CDKAL1: variants seen among roughly 807,000 people sequenced by gnomAD.
CDKAL1 encodes CDKAL1 threonylcarbamoyladenosine tRNA methylthiotransferase, also known as threonylcarbamoyladenosine tRNA methylthiotransferase.
In CDKAL1, 32 loss-of-function variants were observed where a neutral mutation model predicts 68.2. The observed-to-expected ratio is 0.47, with a 90% CI of 0.35 to 0.63. The LOEUF (loss-of-function observed/expected upper bound fraction) is 0.63, where lower values mean the gene tolerates loss of function less well. CDKAL1 is among the 30% of genes least tolerant of loss of function. The pLI, the probability that CDKAL1 is intolerant of heterozygous loss-of-function variation, is 0.00. For missense variants in CDKAL1, 606 were observed against 696.7 expected, an observed-to-expected ratio of 0.87 and a Z score of 1.47; for synonymous variants, 234 against 244.3, an observed-to-expected ratio of 0.96 and a Z score of 0.39.
At chr6:20,545,742 A>G (rs1368110709) in intron 2 of CDKAL1, among the ~76,000 whole-genome samples, 1 of 152,216 alleles carries the variant, frequency 6.6e-6, no homozygotes, top group Non-Finnish European at 1.5e-5. Context: ...GATTACAGGC[A>G]TAAGCCACTG....
In CDKAL1 at chr6:20,613,167, C is replaced by T. The variant is rs1581821660; in HGVS notation, c.287-36126C>T. On this transcript the variant is annotated intron_variant, in intron 4 of 15. Coordinates refer to ENST00000274695, the MANE Select transcript of CDKAL1 (RefSeq NM_017774.3). The stretch of plus-strand genomic sequence containing the variant: ...TATAATACACATGATTTTCATTTAA[C>T]TATTTAGGTTGTTGCAGAAGTAATT... Among the ~76,000 whole-genome samples, 3 of 146,522 alleles carry T rather than the reference C, an allele frequency of 2.0e-5. 1 individual carries two copies. In the East Asian group the frequency reaches 6.0e-4, roughly 29 times the overall value.
At chr6:21,069,331 C>T (rs1313174894) in intron 12 of CDKAL1, among the ~76,000 whole-genome samples, 3 of 152,056 alleles carry the variant, frequency 2.0e-5, no homozygotes, top group Non-Finnish European at 4.4e-5. Flanking sequence ...CTATTTTTCC[C>T]TGTGTCTGTG....
intron 10 of CDKAL1, 92 bp from the exon 11 acceptor site, chr6:21,000,134 TG>T: frequency 1.1e-6 from 1 of 891,524 alleles, no homozygotes; most frequent in South Asian, 1.8e-5. Flanking sequence ...TCAGCTAGTA[TG>T]TTTATTTGCT....
chr6:20,614,551 G>A (rs1464070169), intron 4 of CDKAL1, among the ~76,000 whole-genome samples: 1 of 152,060 alleles, frequency 6.6e-6, no homozygotes, highest in Non-Finnish European at 1.5e-5. Flanking sequence ...TAAGAGTTAT[G>A]TTTGTTCAGT....
At chr6:20,686,865 C>T (rs1324686287) in intron 5 of CDKAL1, among the ~76,000 whole-genome samples, 1 of 152,102 alleles carries the variant, frequency 6.6e-6, no homozygotes, top group African/African-American at 2.4e-5. Flanking sequence ...CTCTATATCT[C>T]GTTCACTGAG....
chr6:20,795,905 A>T (rs1005553456), intron 8 of CDKAL1, among the ~76,000 whole-genome samples: 1 of 152,206 alleles, frequency 6.6e-6, no homozygotes, highest in Non-Finnish European at 1.5e-5. Flanking sequence ...TGGAACTAGT[A>T]GATGCAACAT....
intron 5 of CDKAL1, among the ~76,000 whole-genome samples, chr6:20,714,482 A>G (rs1195464590): frequency 7.2e-6 from 1 of 138,570 alleles, no homozygotes; most frequent in African/African-American, 2.7e-5. Context: ...TTGATTTCCC[A>G]GGCTCAAGTG....
intron 12 of CDKAL1, among the ~76,000 whole-genome samples, chr6:21,069,832 G>A (rs1771670721): frequency 8.5e-6 from 1 of 117,764 alleles, no homozygotes; most frequent in Admixed American, 1.3e-4. Flanking sequence ...TGTCACCCAG[G>A]CTGGAGTGCT....
chr6:21,068,490 C>T (rs1771581169), intron 12 of CDKAL1, among the ~76,000 whole-genome samples: 1 of 152,066 alleles, frequency 6.6e-6, no homozygotes, highest in African/African-American at 2.4e-5. Flanking sequence ...TTGAAAATAT[C>T]ATTCTTGTCT....
At chr6:20,617,295 T>G (rs1766962545) in intron 4 of CDKAL1, among the ~76,000 whole-genome samples, 1 of 152,186 alleles carries the variant, frequency 6.6e-6, no homozygotes, top group Non-Finnish European at 1.5e-5. Context: ...AGGGGGCCAC[T>G]TAATGAGCAG....
chr6:20,609,113 G>GA (rs1766460366), intron 4 of CDKAL1, among the ~76,000 whole-genome samples: 1 of 152,168 alleles, frequency 6.6e-6, no homozygotes, highest in East Asian at 1.9e-4. Flanking sequence ...ACTGGCCTTG[G>GA]AGGGACATTG....
chr6:21,065,414 A>G (rs1407354385), intron 12 of CDKAL1, among the ~76,000 whole-genome samples, 186 bp downstream of exon 12: 2 of 152,184 alleles, frequency 1.3e-5, no homozygotes, highest in African/African-American at 4.8e-5. Context: ...CAACTAAAAT[A>G]TAATCACCTT....
intron 6 of CDKAL1, among the ~76,000 whole-genome samples, chr6:20,746,225 G>C (rs928118753): frequency 6.6e-6 from 1 of 152,116 alleles, no homozygotes; most frequent in African/African-American, 2.4e-5. Context: ...CTCAGTATTA[G>C]TCACTCACTG....
At position 20,698,658 on chromosome 6, in the gene CDKAL1, G is replaced by A. The variant is rs899800612; in HGVS notation, c.372-40861G>A. On this transcript the variant is annotated intron_variant, in intron 5 of 15. Transcript: ENST00000274695. ...TTTGGGGGAAGGCCACGGTGGTGAA[G>A]TGCCATTCTCATCACAGCATATCAG... is the stretch of plus-strand genomic sequence containing the variant. Among the ~76,000 whole-genome samples, 3 of 152,138 alleles carry A rather than the reference G, an allele frequency of 2.0e-5. No homozygotes were observed. In the South Asian group the frequency reaches 6.2e-4, roughly 32 times the overall value.
chr6:20,810,820 T>C (rs559041893), intron 8 of CDKAL1, among the ~76,000 whole-genome samples: 1 of 152,220 alleles, frequency 6.6e-6, no homozygotes, highest in East Asian at 1.9e-4. Flanking sequence ...TCACAGTTAG[T>C]GCTCTTGTTC....
intron 5 of CDKAL1, among the ~76,000 whole-genome samples, chr6:20,726,282 A>G (rs1345901575): frequency 6.6e-6 from 1 of 152,108 alleles, no homozygotes; most frequent in Non-Finnish European, 1.5e-5. Flanking sequence ...GAATCCAGCT[A>G]TGACCTGTGT....
At chr6:20,594,808 T>C (rs1440172956) in intron 4 of CDKAL1, among the ~76,000 whole-genome samples, 1 of 152,212 alleles carries the variant, frequency 6.6e-6, no homozygotes, top group Non-Finnish European at 1.5e-5. Context: ...GTTTTTGCAG[T>C]GGCTGGTACT....
chr6:21,218,632 T>A (rs1398124755), intron 15 of CDKAL1, among the ~76,000 whole-genome samples: 1 of 152,216 alleles, frequency 6.6e-6, no homozygotes, highest in Non-Finnish European at 1.5e-5. Flanking sequence ...GGCTGGCTAT[T>A]GGTCAGAGGC....
At chr6:21,010,140 C>A (rs964093867) in intron 11 of CDKAL1, among the ~76,000 whole-genome samples, 2 of 152,028 alleles carry the variant, frequency 1.3e-5, no homozygotes, top group East Asian at 3.9e-4. Context: ...CAATTTTTTA[C>A]GTAAAATGTT....
Sources: allele counts gnomAD v4.1 joint callset (sites outside exome capture counted in the v4.1 genomes callset), GRCh38; gene constraint gnomAD v4.1.1; transcripts MANE v1.5; gene names NCBI Gene and HGNC (gene_info 2026-07-23, HGNC 2026-07-21).